The following LUZP2 variants were observed in gnomAD, a reference collection of about 807,000 sequenced individuals.
LUZP2 encodes leucine zipper protein 2.
In LUZP2, 52 loss-of-function variants were observed where a neutral mutation model predicts 51.6. The observed-to-expected ratio is 1.01, with a 90% confidence interval of 0.81 to 1.27. The LOEUF is 1.27. Among genes scored for constraint, LUZP2 ranks in the 50% most tolerant of loss-of-function variants. LUZP2 has a pLI of 0.00. For synonymous variants in LUZP2, 154 were observed against 137.3 expected (o/e 1.12, Z -0.85); for missense variants, 436 against 395.4 (o/e 1.10, Z -0.87).
chr11:24,882,562 T>C (rs777931145), intron 5 of LUZP2, among the ~76,000 whole-genome samples: 1 of 152,084 alleles, frequency 6.6e-6, no homozygotes, highest in Non-Finnish European at 1.5e-5. Context: ...TGTAGTATTA[T>C]ACAGAGTAGT....
intron 1 of LUZP2, among the ~76,000 whole-genome samples, chr11:24,630,181 G>C (rs1028471215): frequency 2.0e-5 from 3 of 151,856 alleles, no homozygotes; most frequent in Admixed American, 6.6e-5. Context: ...CTGTACAGAA[G>C]CTTTTTAGTG....
chr11:24,998,119 A>G (rs951767289), intron 9 of LUZP2, among the ~76,000 whole-genome samples: 7 of 152,094 alleles, frequency 4.6e-5, no homozygotes, highest in African/African-American at 1.4e-4. Context: ...TTTCGGTTCC[A>G]TATGAACTTT....
chr11:24,960,483 G>A (rs889376962), intron 7 of LUZP2, among the ~76,000 whole-genome samples: 13 of 150,454 alleles, frequency 8.6e-5, no homozygotes, highest in African/African-American at 3.2e-4. Flanking sequence ...TCTTGGGAGA[G>A]TGTGTTGAGG....
intron 1 of LUZP2, among the ~76,000 whole-genome samples, chr11:24,667,044 G>T (rs1856236362): frequency 6.6e-6 from 1 of 152,022 alleles, no homozygotes; most frequent in Admixed American, 6.6e-5. Flanking sequence ...TAATAACTTA[G>T]AGAAACATTC....
At chr11:25,038,867 G>A (rs113930952) in intron 9 of LUZP2, among the ~76,000 whole-genome samples, 13 of 152,170 alleles carry the variant, frequency 8.5e-5, no homozygotes, top group African/African-American at 2.4e-4. Context: ...CAAAGTCTTC[G>A]TTGCTGAATT....
intron 9 of LUZP2, among the ~76,000 whole-genome samples, chr11:24,985,494 T>C (rs1488820079): frequency 1.3e-5 from 2 of 151,718 alleles, no homozygotes; most frequent in East Asian, 3.9e-4. Flanking sequence ...CAAACTAAAG[T>C]AGAAACAAAT....
At chr11:24,987,106 A>C (rs894769593) in intron 9 of LUZP2, among the ~76,000 whole-genome samples, 2 of 151,908 alleles carry the variant, frequency 1.3e-5, no homozygotes, top group African/African-American at 4.8e-5. Flanking sequence ...AAATTCACAT[A>C]AAACATTAGC....
intron 1 of LUZP2, among the ~76,000 whole-genome samples, chr11:24,532,613 C>T (rs375292898): frequency 6.6e-6 from 1 of 150,954 alleles, no homozygotes; most frequent in East Asian, 1.9e-4. Flanking sequence ...TTTATTATAA[C>T]TTCTTTGCTT....
chr11:24,844,490 T>C (rs563300934), intron 5 of LUZP2, among the ~76,000 whole-genome samples: 26 of 152,110 alleles, frequency 1.7e-4, no homozygotes, highest in African/African-American at 5.1e-4. Flanking sequence ...GACAATACAA[T>C]AGAAAAGAAA....
chr11:24,712,290 G>A (rs767150007), intron 1 of LUZP2, among the ~76,000 whole-genome samples: 3 of 151,924 alleles, frequency 2.0e-5, no homozygotes, highest in East Asian at 1.9e-4. Flanking sequence ...GCATGCACCC[G>A]TGGTCTCAGC....
chr11:24,751,880 T>C (rs2134010346), intron 4 of LUZP2, among the ~76,000 whole-genome samples: 1 of 152,128 alleles, frequency 6.6e-6, no homozygotes, highest in African/African-American at 2.4e-5. Context: ...GGAGTTAACC[T>C]ATACAGTAAT....
intron 6 of LUZP2, among the ~76,000 whole-genome samples, chr11:24,914,199 A>T (rs1853727037): frequency 6.6e-6 from 1 of 152,162 alleles, no homozygotes; most frequent in Admixed American, 6.5e-5. Flanking sequence ...GGGTGACAGA[A>T]ATTTTGTGTG....
chr11:24,732,812 T>C (rs1445012010), intron 3 of LUZP2, among the ~76,000 whole-genome samples: 1 of 151,754 alleles, frequency 6.6e-6, no homozygotes, highest in Non-Finnish European at 1.5e-5. Context: ...GCAGCCCTTC[T>C]AGTAGGTTTG....
At chr11:25,048,160 T>A (rs888274663) in intron 9 of LUZP2, among the ~76,000 whole-genome samples, 7 of 152,098 alleles carry the variant, frequency 4.6e-5, no homozygotes, top group Non-Finnish European at 1.0e-4. Context: ...AATTTTGGGA[T>A]CTCCTCTCTA....
At chr11:24,806,351 G>C (rs1849856618) in intron 5 of LUZP2, among the ~76,000 whole-genome samples, 1 of 152,192 alleles carries the variant, frequency 6.6e-6, no homozygotes, top group East Asian at 1.9e-4. Context: ...ACGGAATTTG[G>C]TATATGTTAC....
chr11:24,857,649 G>A (rs1300770429), intron 5 of LUZP2, among the ~76,000 whole-genome samples: 3 of 151,320 alleles, frequency 2.0e-5, no homozygotes, highest in Admixed American at 1.3e-4. Context: ...CTGGTACAGT[G>A]TGAACGCTTG....
intron 7 of LUZP2, among the ~76,000 whole-genome samples, chr11:24,973,517 TTAA>T (rs1203247731): frequency 6.6e-6 from 1 of 152,004 alleles, no homozygotes; most frequent in Non-Finnish European, 1.5e-5. Context: ...CTCTAGTTCT[TTAA>T]GTTGTGTTGT....
intron 5 of LUZP2, among the ~76,000 whole-genome samples, chr11:24,789,758 G>A (rs1216013106): frequency 6.6e-6 from 1 of 152,166 alleles, no homozygotes; most frequent in Non-Finnish European, 1.5e-5. Flanking sequence ...ACCTCTTGCT[G>A]TGTCCCCACA....
intron 1 of LUZP2, among the ~76,000 whole-genome samples, chr11:24,587,999 T>G (rs1024821122): frequency 6.6e-6 from 1 of 152,098 alleles, no homozygotes; most frequent in Non-Finnish European, 1.5e-5. Flanking sequence ...GTTCAAGGTC[T>G]GATATGTAGA....
Sources: gnomAD v4.1 joint callset for allele counts (sites outside exome capture counted in the v4.1 genomes callset) on GRCh38, gnomAD v4.1.1 for gene constraint, MANE v1.5 for transcripts, NCBI Gene and HGNC (gene_info 2026-07-23, HGNC 2026-07-21) for gene names.